DENND1C: variants seen among roughly 807,000 people sequenced by gnomAD.
The protein encoded by DENND1C is DENN domain containing 1C, also known as DENN domain-containing protein 1C.
A neutral mutation model predicts 87.9 loss-of-function variants in DENND1C; 64 were observed. The ratio of observed to expected loss-of-function variants is 0.73; its 90% confidence interval spans 0.60 to 0.90. The LOEUF (loss-of-function observed/expected upper bound fraction) is 0.90, where lower values mean the gene tolerates loss of function less well. Among genes scored for constraint, DENND1C ranks in the 40% least tolerant of loss-of-function variants. DENND1C has a pLI of 0.00. For synonymous variants in DENND1C, 384 were observed against 424.4 expected (o/e 0.90, Z 1.17); for missense variants, 980 against 1,037.0 (o/e 0.95, Z 0.76).
At chr19:6,477,631 T>TAATAATAATAAG (rs1568400374) in intron 6 of DENND1C, 173 bp from the exon 7 acceptor site, 4 of 215,590 alleles carry the variant, frequency 1.9e-5, no homozygotes, top group Non-Finnish European at 8.8e-6. Flanking sequence ...ATAATAATAA[T>TAATAATAATAAG]AGAGACAAAG....
chr19:6,479,528 G>T, intron 4 of DENND1C, 141 bp downstream of exon 4: 1 of 1,017,348 alleles, frequency 9.8e-7, no homozygotes, highest in Non-Finnish European at 1.5e-6. Flanking sequence ...AGTTCTCAGG[G>T]CCCCTGAGTG....
Position 6,468,362 on chromosome 19 carries a change from C to T in DENND1C, c.1663G>A (p.Glu555Lys), listed in dbSNP as rs962317757. 6.2e-6 allele frequency: 10 copies of T among 1,613,828 alleles called. No individual in the cohort carries two copies. Among genetic ancestry groups the T allele is most frequent in the South Asian group, 3.3e-5 (3 of 91,076 alleles). The change falls in exon 22 of 23, where the codon GAA becomes AAA. Residue 555 changes from glutamate to lysine, a missense_variant. Coordinates refer to ENST00000381480, the MANE Select transcript of DENND1C (RefSeq NM_024898.4). ...ALDSSFLGSGEELDLLSEILD... is the reference protein window; with the variant it reads ...ALDSSFLGSGKELDLLSEILD... ...ATCTCGCTCAACAAATCCAGTTCTT[C>T]TCCAGACCCCAAGAAGCTGCTGTCC...
chr19:6,480,014 C>T lies in DENND1C; in HGVS notation c.55G>A (p.Ala19Thr), dbSNP rs1470189074. The change falls in exon 2 of 23, where the codon GCG (alanine) becomes ACG (threonine). Residue 19 changes from alanine to threonine, a missense_variant. Ala to Thr is a moderately conservative substitution (Grantham distance 58). Transcript: ENST00000381480. ...TCCTGCAGGGAGGCAGGGCAGGCCG[C>T]TTCGAAGAACCAATCAAACACAGCA... ...SPAVFDWFFE[A>T]ACPASLQEDP... 2 of 1,610,672 alleles carry T rather than the reference C, an allele frequency of 1.2e-6. No individual in the cohort carries two copies. Among genetic ancestry groups the T allele is most frequent in the Middle Eastern group, 3.4e-4 (2 of 5,810 alleles).
rs1259830128 is a variant in DENND1C, at chr19:6,469,595, C to T, written c.1407+1G>A. ...CACTGCACCCGGCCAGTTGATCTTA[C>T]CTTATACATTAGAAGGCTCTGCACC... is the stretch of plus-strand genomic sequence containing the variant. On this transcript the variant is annotated splice_donor_variant, in intron 19 of 22. Coordinates refer to ENST00000381480, the MANE Select transcript of DENND1C (RefSeq NM_024898.4). LOFTEE classifies it high-confidence loss of function. 2 of 1,604,434 alleles carry T rather than the reference C, an allele frequency of 1.2e-6. No individual in the cohort carries two copies. Among genetic ancestry groups the T allele is most frequent in the Middle Eastern group, 1.7e-4 (1 of 5,978 alleles).
rs772512595 is a variant in DENND1C at position 6,475,533 on chromosome 19, T to C, written c.878A>G (p.Asn293Ser). ...GTCGTTAAAGGTCGTCTCCAAGGTA[T>C]TGGCGTCCACGTTCAGCACCACGAC... ...EDVVVLNVDA[N>S]TLETTFNDVQ... Residue 293 changes from asparagine to serine, a missense_variant, in exon 13 of 23, where the codon AAT becomes AGT. Coordinates refer to ENST00000381480, the MANE Select transcript of DENND1C (RefSeq NM_024898.4). The C allele has an allele frequency of 1.8e-5, 29 of 1,613,840 alleles. No individual in the cohort carries two copies. The Middle Eastern group carries it at 4.9e-4, about 27-fold the overall frequency.
In DENND1C at chr19:6,477,260, G is replaced by T; in HGVS notation, c.471C>A (p.Ser157Arg). 1.9e-6 allele frequency: 3 copies of T among 1,584,842 alleles called. No homozygotes were observed. The highest frequency in any genetic ancestry group is 2.6e-6 in the Non-Finnish European group (3 of 1,163,180). The change falls in exon 8 of 23, where the codon AGC becomes AGA. Residue 157 changes from serine to arginine, a missense_variant. Transcript: ENST00000381480. The part of the protein sequence containing the change: ...LELGSGVTVS[S>R]GQGIPPPTRG... Reference sequence around the variant, plus strand: ...GGGTAGGGGGGGGGATACCCTGCCCGCTGGAGACCGTCACTCCGCTGCCCT... The same window carrying T: ...GGGTAGGGGGGGGGATACCCTGCCCTCTGGAGACCGTCACTCCGCTGCCCT...
chr19:6,477,281 GC>G lies in DENND1C; in HGVS notation c.449del (p.Gly150AlafsTer4), dbSNP rs749562799. ...GCCCGCTGGAGACCGTCACTCCGCTGCCCTGGGGAAGAGGCACGACTCTGTG... is the reference window on the plus strand; with the variant it reads ...GCCCGCTGGAGACCGTCACTCCGCTGCCTGGGGAAGAGGCACGACTCTGTG... ...GPQASVGLELGSGVTVSSGQG... is the reference protein window; with the variant it reads ...GPQASVGLELXSGVTVSSGQG... On this transcript the variant is annotated frameshift_variant and splice_region_variant, in exon 8 of 23. Coordinates refer to ENST00000381480, the MANE Select transcript of DENND1C (RefSeq NM_024898.4). LOFTEE classifies it high-confidence loss of function. The G allele has an allele frequency of 1.4e-5, 23 of 1,591,972 alleles. No homozygotes were observed. Among genetic ancestry groups the G allele is most frequent in the Non-Finnish European group, 1.9e-5 (22 of 1,165,588 alleles).
In DENND1C at chr19:6,472,985, T is replaced by G; in HGVS notation, c.1062A>C (p.Pro354=). The G allele has an allele frequency of 6.5e-7, 1 of 1,549,928 alleles. No individual in the cohort carries two copies. The highest frequency in any genetic ancestry group is 1.4e-5 in the African/African-American group (1 of 72,852). The change falls in exon 15 of 23, where the codon CCA becomes CCC. Residue 354 remains proline, a synonymous_variant. Coordinates refer to ENST00000381480, the MANE Select transcript of DENND1C (RefSeq NM_024898.4). ...AGAAGACTTCCTCACTGAAGGTCAC[T>G]GGCTGGCCCTGGAAGAAGCGTTGGA... ...RDALVCSPGQ[P]VTFSEEVFLA... is the part of the protein sequence containing the mutation.
intron 5 of DENND1C, 27 bp downstream of exon 5, chr19:6,478,910 C>T: frequency 6.2e-7 from 1 of 1,613,874 alleles, no homozygotes; most frequent in Non-Finnish European, 8.5e-7. Flanking sequence ...CTTTCCCATC[C>T]CCCCCTCCAA....
chr19:6,476,895 C>T lies in DENND1C; in HGVS notation c.640G>A (p.Glu214Lys). 5 of 1,613,190 alleles carry T rather than the reference C, an allele frequency of 3.1e-6. No individual in the cohort carries two copies. Among genetic ancestry groups the T allele is most frequent in the Non-Finnish European group, 3.4e-6 (4 of 1,179,774 alleles). Residue 214 changes from glutamate (E) to lysine (K), a missense_variant, in exon 10 of 23, where the codon GAG (glutamate) becomes AAG (lysine). Glu to Lys is a moderately conservative substitution (Grantham distance 56). Coordinates refer to ENST00000381480, the MANE Select transcript of DENND1C (RefSeq NM_024898.4). ...IVGLFAALLA[E>K]RRVLLTASKL... The stretch of plus-strand genomic sequence containing the variant: ...CTGGCGGTGAGCAGGACTCTTCTCT[C>T]GGCCAGGAGCGCCGCGAACAGCCCC...
chr19:6,475,189 G>T (rs1333127488), intron 14 of DENND1C, 85 bp downstream of exon 14: 5 of 1,589,376 alleles, frequency 3.1e-6, no homozygotes, highest in Non-Finnish European at 4.3e-6. Flanking sequence ...GAGCCACTGC[G>T]TCCGGCCATC....
In DENND1C at chr19:6,478,983, A is replaced by T; in HGVS notation, c.250T>A (p.Phe84Ile). 1 of 1,613,888 alleles carries T rather than the reference A, an allele frequency of 6.2e-7. No homozygotes were observed. Among genetic ancestry groups the T allele is most frequent in the Non-Finnish European group, 8.5e-7 (1 of 1,179,842 alleles). ...TDLAGNRRFG[F>I]CRLRAGTQSC... ...TGGGTACCCGCCCGCAGGCGGCAGAAACCAAATCTGCGGTTGCCGGCAAGG... is the reference window on the plus strand; with the variant it reads ...TGGGTACCCGCCCGCAGGCGGCAGATACCAAATCTGCGGTTGCCGGCAAGG... The change falls in exon 5 of 23, where the codon TTC becomes ATC. Residue 84 changes from phenylalanine to isoleucine, a missense_variant. Physicochemically the swap from Phe to Ile is conservative, Grantham distance 21 (BLOSUM62 0). Coordinates refer to ENST00000381480, the MANE Select transcript of DENND1C (RefSeq NM_024898.4).
chr19:6,480,510 C>G (rs945218141), intron 1 of DENND1C: 12 of 967,412 alleles, frequency 1.2e-5, no homozygotes, highest in Non-Finnish European at 1.4e-5. Flanking sequence ...CTCTGTCTAT[C>G]CATCCATCCA....
chr19:6,468,900 G>A lies in DENND1C; in HGVS notation c.1461C>T (p.Pro487=), dbSNP rs747820435. The A allele has an allele frequency of 1.5e-4, 230 of 1,490,928 alleles. No individual in the cohort carries two copies. Among genetic ancestry groups the A allele is most frequent in the Non-Finnish European group, 2.0e-4 (226 of 1,125,902 alleles). 92.4% of individuals were successfully genotyped at this position (1,490,928 alleles called of 1,614,324 possible). ...GTTGCTGCAGGCGGTCTGAGCGGCTGGGGAGGGCTGGGGCCCTCAGAGAGC... is the reference window on the plus strand; with the variant it reads ...GTTGCTGCAGGCGGTCTGAGCGGCTAGGGAGGGCTGGGGCCCTCAGAGAGC... The part of the protein sequence containing the change: ...RGGSLRAPAL[P]SRSDRLQQRL... Residue 487 remains proline (P), a synonymous_variant, in exon 20 of 23, where the codon CCC becomes CCT. Transcript: ENST00000381480.
intron 13 of DENND1C, 31 bp downstream of exon 13, chr19:6,475,453 G>C (rs766363660): frequency 2.4e-5 from 39 of 1,613,500 alleles, no homozygotes; most frequent in South Asian, 1.1e-4. Flanking sequence ...CTCGCCTCCC[G>C]GGGCAGGAAG....
Position 6,467,435 on chromosome 19 carries a change from A to G in DENND1C, c.*69T>C. 1 of 1,447,156 alleles carries G rather than the reference A, an allele frequency of 6.9e-7. No homozygotes were observed. Among genetic ancestry groups the G allele is most frequent in the East Asian group, 2.6e-5 (1 of 38,588 alleles). The allele number at this position is 1,447,156 out of a possible 1,614,324, so 89.6% of individuals were successfully genotyped here. A position where few individuals can be genotyped will look rare whatever the true frequency, so the allele number is the denominator to read the frequency against. On this transcript the variant is annotated 3_prime_UTR_variant, in exon 23 of 23. Coordinates refer to ENST00000381480, the MANE Select transcript of DENND1C (RefSeq NM_024898.4). ...AGGGCACCAGAGAAATTCACCAGGAAAAAAACCAGCTTTTTTGGGCTCTTG... is the reference window on the plus strand; with the variant it reads ...AGGGCACCAGAGAAATTCACCAGGAGAAAAACCAGCTTTTTTGGGCTCTTG...
chr19:6,474,395 C>T (rs1384448213), intron 14 of DENND1C, among the ~76,000 whole-genome samples: 2 of 151,978 alleles, frequency 1.3e-5, no homozygotes, highest in African/African-American at 2.4e-5. Flanking sequence ...ATACTAGAAC[C>T]CCCCAATGAT....
chr19:6,479,839 C>G lies in DENND1C; in HGVS notation c.126+20G>C. On this transcript the variant is annotated intron_variant, in intron 3 of 22. Transcript: ENST00000381480. ...GAGACTGGCCCTCGCCCTGGGGGAG[C>G]AAGGAGCCAGCCTGAATACCTGGTC... is the stretch of plus-strand genomic sequence containing the variant. 1 of 1,612,562 alleles carries G rather than the reference C, an allele frequency of 6.2e-7. No individual in the cohort carries two copies. Among genetic ancestry groups the G allele is most frequent in the Non-Finnish European group, 8.5e-7 (1 of 1,179,286 alleles).
In DENND1C at chr19:6,480,606, CTATCT is replaced by C. The variant is rs1459822270; in HGVS notation, c.18-560_18-556del. The stretch of plus-strand genomic sequence containing the variant: ...TCTATCTATCTATCTATCTATCTAT[CTATCT>C]ATCTATTTTTTTGAGATGGAGTTTT... On this transcript the variant is annotated intron_variant, in intron 1 of 22. Transcript: ENST00000381480. 13 of 383,344 alleles carry C rather than the reference CTATCT, an allele frequency of 3.4e-5. No individual in the cohort carries two copies. In the African/African-American group the frequency reaches 3.6e-4, roughly 11 times the overall value. 23.7% of individuals were successfully genotyped at this position (383,344 alleles called of 1,614,324 possible). A position where few individuals can be genotyped will look rare whatever the true frequency, so the allele number is the denominator to read the frequency against.
Sources: allele counts gnomAD v4.1 joint callset (sites outside exome capture counted in the v4.1 genomes callset), GRCh38; gene constraint gnomAD v4.1.1; transcripts MANE v1.5; gene names NCBI Gene and HGNC (gene_info 2026-07-23, HGNC 2026-07-21).